The following CMC1 variants were observed in gnomAD, a reference collection of about 807,000 sequenced individuals.
CMC1 encodes the protein C-X9-C motif containing 1, also known as COX assembly mitochondrial protein homolog.
Under a neutral mutation model 14.1 loss-of-function variants are expected in CMC1, and 14 were observed. The ratio of observed to expected loss-of-function variants is 0.99; its 90% CI spans 0.66 to 1.55. The LOEUF (loss-of-function observed/expected upper bound fraction) is 1.55. Among genes scored for constraint, CMC1 ranks in the 40% most tolerant of loss-of-function variants. CMC1 has a pLI of 0.00. For synonymous variants in CMC1, 50 were observed against 38.4 expected, an observed-to-expected ratio of 1.30 and a Z score of -1.12; for missense variants, 127 against 123.8, an observed-to-expected ratio of 1.03 and a Z score of -0.12.
Position 28,242,605 on chromosome 3 carries a change from A to G in CMC1, c.19+793A>G, listed in dbSNP as rs149363388. Among the ~76,000 whole-genome samples, 437 of 152,298 alleles carry G rather than the reference A, an allele frequency of 2.9e-3. 4 individuals are homozygous for G. The highest frequency in any genetic ancestry group is 6.8e-3 in the Middle Eastern group (2 of 294). ...GGAAAATATATGTAGCACAGAAATA[A>G]TGTTTTAATTGAACATGTTATTACC... On this transcript the variant is annotated intron_variant, in intron 1 of 3. Transcript: ENST00000466830.
intron 2 of CMC1, among the ~76,000 whole-genome samples, chr3:28,298,684 C>G (rs1262585629): frequency 6.6e-6 from 1 of 151,862 alleles, no homozygotes; most frequent in East Asian, 1.9e-4. Context: ...ATTTACTCTT[C>G]TTTATCTTAA....
At chr3:28,279,417 T>C (rs749346776) in intron 2 of CMC1, among the ~76,000 whole-genome samples, 1 of 152,202 alleles carries the variant, frequency 6.6e-6, no homozygotes, top group African/African-American at 2.4e-5. Flanking sequence ...ACATTTGCAG[T>C]AGAATGCAAA....
chr3:28,319,711 A>T lies in CMC1; in HGVS notation c.*82A>T. Reference sequence around the variant, plus strand: ...CCTTAAATAATGGACTCAAGCATATATGTTTGCTTTACCTTAATTATGGAA... The same window carrying T: ...CCTTAAATAATGGACTCAAGCATATTTGTTTGCTTTACCTTAATTATGGAA... On this transcript the variant is annotated 3_prime_UTR_variant, in exon 4 of 4. Coordinates refer to ENST00000466830, the MANE Select transcript of CMC1 (RefSeq NM_182523.2). 1 of 1,105,040 alleles carries T rather than the reference A, an allele frequency of 9.0e-7. No individual in the cohort carries two copies. Among genetic ancestry groups the T allele is most frequent in the Non-Finnish European group, 1.3e-6 (1 of 785,844 alleles). The allele number at this position is 1,105,040 out of a possible 1,614,324, so 68.5% of individuals were successfully genotyped here.
intron 2 of CMC1, among the ~76,000 whole-genome samples, chr3:28,269,475 A>G (rs1420593212): frequency 6.6e-6 from 1 of 152,178 alleles, no homozygotes. Context: ...TCTGGGATAC[A>G]TGTGCAGGAT....
chr3:28,306,281 T>G (rs564460290), intron 2 of CMC1, among the ~76,000 whole-genome samples: 1 of 152,210 alleles, frequency 6.6e-6, no homozygotes, highest in Non-Finnish European at 1.5e-5. Flanking sequence ...TTGTGCATTA[T>G]GGGCATTTTA....
intron 2 of CMC1, among the ~76,000 whole-genome samples, chr3:28,304,777 C>G (rs1702225457): frequency 6.6e-6 from 1 of 151,702 alleles, no homozygotes; most frequent in Non-Finnish European, 1.5e-5. Context: ...ATTTTTATTC[C>G]CTATTTTACT....
chr3:28,296,730 G>A (rs1701756987), intron 2 of CMC1, among the ~76,000 whole-genome samples: 1 of 151,964 alleles, frequency 6.6e-6, no homozygotes, highest in South Asian at 2.1e-4. Context: ...GAACTGCTAT[G>A]ATTATGACTT....
chr3:28,254,688 T>C (rs567507090), intron 1 of CMC1, among the ~76,000 whole-genome samples: 3 of 152,296 alleles, frequency 2.0e-5, no homozygotes, highest in African/African-American at 4.8e-5. Context: ...TTTAAGACCA[T>C]TGGAAGATTT....
intron 2 of CMC1, among the ~76,000 whole-genome samples, chr3:28,284,060 T>G (rs553784630): frequency 1.3e-5 from 2 of 152,326 alleles, no homozygotes; most frequent in Admixed American, 1.3e-4. Context: ...AGATTTGACT[T>G]AAGTGTACTT....
In CMC1 at chr3:28,319,492, T is replaced by C; in HGVS notation, c.201-17T>C. On this transcript the variant is annotated splice_polypyrimidine_tract_variant and intron_variant, in intron 3 of 3. Coordinates refer to ENST00000466830, the MANE Select transcript of CMC1 (RefSeq NM_182523.2). ...CAGGATTATTTACTTGAAAATATTT[T>C]CATTTCCTTCTCATAGCTATAATGA... 1 of 1,577,002 alleles carries C rather than the reference T, an allele frequency of 6.3e-7. No homozygotes were observed. Among genetic ancestry groups the C allele is most frequent in the Non-Finnish European group, 8.7e-7 (1 of 1,155,940 alleles).
chr3:28,250,158 A>G (rs115288691), intron 1 of CMC1, among the ~76,000 whole-genome samples: 259 of 152,358 alleles, frequency 1.7e-3, no homozygotes, highest in African/African-American at 6.0e-3. Context: ...GGTAAACACA[A>G]TTCAACTCAT....
At chr3:28,310,889 G>A (rs1289931446) in intron 2 of CMC1, among the ~76,000 whole-genome samples, 2 of 152,018 alleles carry the variant, frequency 1.3e-5, no homozygotes, top group African/African-American at 2.4e-5. Flanking sequence ...TAGATCCCTC[G>A]CATGCACAAT....
intron 1 of CMC1, among the ~76,000 whole-genome samples, chr3:28,252,455 T>C (rs1251387955): frequency 6.6e-6 from 1 of 152,238 alleles, no homozygotes; most frequent in African/African-American, 2.4e-5. Flanking sequence ...GTTTATTCTC[T>C]TTGAATGTGT....
rs545275178 is a variant in CMC1 at position 28,241,821 on chromosome 3, G to A, written c.19+9G>A. ...GGCGCTCGACCCCGCAGGTACCGGG[G>A]CGGGAAGCGGGGTTTGCCGAGGGGC... On this transcript the variant is annotated intron_variant, in intron 1 of 3. Transcript: ENST00000466830. 2.4e-6 allele frequency: 3 copies of A among 1,238,534 alleles called. No individual in the cohort carries two copies. In the South Asian group the frequency reaches 1.2e-4, roughly 51 times the overall value. 76.7% of individuals were successfully genotyped at this position (1,238,534 alleles called of 1,614,324 possible). A position where few individuals can be genotyped will look rare whatever the true frequency, so the allele number is the denominator to read the frequency against.
chr3:28,313,888 GT>G (rs1417993087), intron 2 of CMC1, among the ~76,000 whole-genome samples: 5 of 152,306 alleles, frequency 3.3e-5, no homozygotes, highest in Admixed American at 2.0e-4. Context: ...TTGTGTCTGT[GT>G]TTTCCGGAAA....
chr3:28,290,532 G>A (rs139462882), intron 2 of CMC1, among the ~76,000 whole-genome samples: 373 of 152,146 alleles, frequency 2.5e-3, no homozygotes, highest in Non-Finnish European at 4.0e-3. Flanking sequence ...CATAGGTGAC[G>A]TGATTTTTCT....
chr3:28,293,115 C>T (rs753442592), intron 2 of CMC1, among the ~76,000 whole-genome samples: 10 of 152,068 alleles, frequency 6.6e-5, no homozygotes, highest in Non-Finnish European at 8.8e-5. Context: ...TTTGTGGGAA[C>T]GTTAAGTGCA....
At chr3:28,247,985 G>C (rs13083544) in intron 1 of CMC1, among the ~76,000 whole-genome samples, 32,903 of 151,886 alleles carry the variant, frequency 0.22, 3,711 homozygotes, top group Middle Eastern at 0.28. Context: ...TCTTAGGAGA[G>C]TTTTCCTGAT....
At chr3:28,280,973 C>T (rs751278679) in intron 2 of CMC1, among the ~76,000 whole-genome samples, 4 of 152,212 alleles carry the variant, frequency 2.6e-5, no homozygotes, top group Non-Finnish European at 5.9e-5. Flanking sequence ...GCTGCTTTCA[C>T]ACTACAGCAG....
Sources: gnomAD v4.1 joint callset for allele counts (sites outside exome capture counted in the v4.1 genomes callset) on GRCh38, gnomAD v4.1.1 for gene constraint, MANE v1.5 for transcripts, NCBI Gene and HGNC (gene_info 2026-07-23, HGNC 2026-07-21) for gene names.